Variants in ESRRG observed in about 807,000 individuals in gnomAD.
The protein encoded by ESRRG is estrogen related receptor gamma.
In ESRRG, 13 loss-of-function variants were observed where a neutral mutation model predicts 44.0. The ratio of observed to expected loss-of-function variants is 0.30; its 90% CI spans 0.19 to 0.47. The LOEUF (loss-of-function observed/expected upper bound fraction) is 0.47, where lower values mean the gene tolerates loss of function less well. ESRRG is among the 20% of genes least tolerant of loss of function. The pLI, the probability that ESRRG is intolerant of heterozygous loss-of-function variation, is 1.00. For synonymous variants in ESRRG, 215 were observed against 214.6 expected (o/e 1.00, Z -0.02); for missense variants, 395 against 580.6 (o/e 0.68, Z 3.29).
intron 5 of ESRRG, among the ~76,000 whole-genome samples, chr1:216,562,032 G>C (rs1358425543): frequency 6.6e-6 from 1 of 152,172 alleles, no homozygotes; most frequent in Non-Finnish European, 1.5e-5. Context: ...TTTGTAAGCT[G>C]ACATTTCTAC....
intron 2 of ESRRG, among the ~76,000 whole-genome samples, chr1:216,925,414 G>A (rs2062408151): frequency 1.3e-5 from 2 of 152,134 alleles, no homozygotes; most frequent in African/African-American, 2.4e-5. Context: ...TCCAGCCTGG[G>A]GGACAGAGCG....
intron 3 of ESRRG, among the ~76,000 whole-genome samples, chr1:216,594,300 A>C (rs1376735245): frequency 6.6e-6 from 1 of 152,212 alleles, no homozygotes; most frequent in Non-Finnish European, 1.5e-5. Context: ...CATTTGTATT[A>C]CAAATATAAA....
intron 1 of ESRRG, among the ~76,000 whole-genome samples, chr1:217,085,455 T>C (rs967058613): frequency 2.7e-5 from 4 of 150,680 alleles, no homozygotes; most frequent in Admixed American, 1.3e-4. Flanking sequence ...AAAGATTTTT[T>C]TTTTCTTTCT....
At chr1:217,088,981 G>A (rs926167055) in intron 1 of ESRRG, among the ~76,000 whole-genome samples, 3 of 152,092 alleles carry the variant, frequency 2.0e-5, no homozygotes, top group Non-Finnish European at 4.4e-5. Flanking sequence ...AGAGAGAAGG[G>A]AGGGAAAGCA....
chr1:216,846,651 G>A (rs912442239), intron 2 of ESRRG, among the ~76,000 whole-genome samples: 8 of 152,114 alleles, frequency 5.3e-5, no homozygotes, highest in Non-Finnish European at 8.8e-5. Flanking sequence ...CTAAGCCAAA[G>A]GGGTGAACAT....
intron 1 of ESRRG, among the ~76,000 whole-genome samples, chr1:216,976,015 A>G (rs1404822924): frequency 6.6e-6 from 1 of 152,174 alleles, no homozygotes; most frequent in Non-Finnish European, 1.5e-5. Flanking sequence ...CATGAGCTTC[A>G]CAATTCTCCC....
chr1:216,897,125 A>G (rs1213098717), intron 2 of ESRRG, among the ~76,000 whole-genome samples: 1 of 152,196 alleles, frequency 6.6e-6, no homozygotes, highest in East Asian at 1.9e-4. Flanking sequence ...AAGAGCACAG[A>G]AGTTTGAAAA....
chr1:216,581,792 T>C (rs537788227), intron 3 of ESRRG, among the ~76,000 whole-genome samples: 2 of 152,350 alleles, frequency 1.3e-5, no homozygotes, highest in South Asian at 2.1e-4. Context: ...AGTTCAGTGT[T>C]ATCAGAGTTT....
At chr1:216,523,318 C>T (rs13374171) in intron 5 of ESRRG, among the ~76,000 whole-genome samples, 9,540 of 152,074 alleles carry the variant, frequency 0.063, 992 homozygotes, top group African/African-American at 0.21. Context: ...TCCAAATAAA[C>T]CAGATGACAG....
chr1:216,769,240 T>C (rs1225425190), intron 2 of ESRRG, among the ~76,000 whole-genome samples: 1 of 152,068 alleles, frequency 6.6e-6, no homozygotes, highest in African/African-American at 2.4e-5. Flanking sequence ...AACAGTATAA[T>C]TGCATTTCAG....
chr1:216,832,594 C>T (rs1368574596), intron 2 of ESRRG, among the ~76,000 whole-genome samples: 1 of 152,172 alleles, frequency 6.6e-6, no homozygotes, highest in Non-Finnish European at 1.5e-5. Flanking sequence ...AGTAAACTGG[C>T]CCATCTGGTG....
intron 2 of ESRRG, among the ~76,000 whole-genome samples, chr1:216,734,099 C>T (rs1049530651): frequency 4.0e-5 from 6 of 151,470 alleles, no homozygotes; most frequent in Admixed American, 1.3e-4. Context: ...TCATGCTTTG[C>T]GCTTACTGGT....
chr1:216,540,148 T>C (rs2052274496), intron 5 of ESRRG, among the ~76,000 whole-genome samples: 1 of 152,020 alleles, frequency 6.6e-6, no homozygotes, highest in African/African-American at 2.4e-5. Flanking sequence ...CTTGTGAGCC[T>C]TCTCTCTTAT....
intron 2 of ESRRG, among the ~76,000 whole-genome samples, chr1:216,665,476 A>C (rs2073680978): frequency 1.3e-5 from 2 of 152,166 alleles, no homozygotes; most frequent in South Asian, 4.1e-4. Flanking sequence ...CACTTATAGG[A>C]GATATCTAGA....
At chr1:216,514,151 G>A (rs2148828461) in intron 6 of ESRRG, among the ~76,000 whole-genome samples, 1 of 152,086 alleles carries the variant, frequency 6.6e-6, no homozygotes, top group Non-Finnish European at 1.5e-5. Flanking sequence ...TTAAGAGCCA[G>A]CTTTTATGTT....
At chr1:216,685,798 C>T (rs965377424) in intron 1 of ESRRG, among the ~76,000 whole-genome samples, 15 of 152,164 alleles carry the variant, frequency 9.9e-5, no homozygotes, top group African/African-American at 2.9e-4. Flanking sequence ...TGATGTCATT[C>T]TTTACTCATT....
Position 217,044,057 on chromosome 1 carries a change from C to T in ESRRG, c.-106+45450G>A, listed in dbSNP as rs191092173. On this transcript the variant is annotated intron_variant, in intron 1 of 7. Coordinates refer to the ESRRG transcript ENST00000359162. ...AGTGTGGATCATTTTACTATTGTAC[C>T]CTCAATCTCAAGACCCAGTCAATTA... Among the ~76,000 whole-genome samples, 672 of 151,896 alleles carry T rather than the reference C, an allele frequency of 4.4e-3. 6 individuals are homozygous for T. The highest frequency in any genetic ancestry group is 0.015 in the African/African-American group (641 of 41,400).
chr1:216,667,103 A>G (rs1575022644), intron 2 of ESRRG, among the ~76,000 whole-genome samples: 1 of 152,236 alleles, frequency 6.6e-6, no homozygotes, highest in Non-Finnish European at 1.5e-5. Context: ...CTGCACCCAC[A>G]GTCAGCACCT....
At chr1:216,795,955 G>A (rs1216329787) in intron 2 of ESRRG, among the ~76,000 whole-genome samples, 1 of 152,092 alleles carries the variant, frequency 6.6e-6, no homozygotes, top group Admixed American at 6.6e-5. Context: ...CAAGAAGCAG[G>A]ACTCTTCTCC....
Sources: allele counts gnomAD v4.1 joint callset (sites outside exome capture counted in the v4.1 genomes callset), GRCh38; gene constraint gnomAD v4.1.1; transcripts MANE v1.5; gene names NCBI Gene and HGNC (gene_info 2026-07-23, HGNC 2026-07-21).